GPATCH2: variants seen among roughly 807,000 people sequenced by gnomAD.
The protein encoded by GPATCH2 is G patch domain-containing protein 2.
In GPATCH2, 51 loss-of-function variants were observed where a neutral mutation model predicts 58.0. The observed-to-expected ratio is 0.88, with a 90% CI of 0.70 to 1.11. The LOEUF is 1.11. Among genes scored for constraint, GPATCH2 ranks in the 50% most tolerant of loss-of-function variants. The probability of loss-of-function intolerance (pLI) is 0.00; values close to 1 mark genes in which losing one functional copy is unlikely to be tolerated. For synonymous variants in GPATCH2, 222 were observed against 218.5 expected, an observed-to-expected ratio of 1.02 and a Z score of -0.14; for missense variants, 625 against 652.2, an observed-to-expected ratio of 0.96 and a Z score of 0.45.
At chr1:217,523,741 T>C (rs1663611975) in intron 5 of GPATCH2, among the ~76,000 whole-genome samples, 2 of 144,496 alleles carry the variant, frequency 1.4e-5, no homozygotes, top group African/African-American at 2.6e-5. Flanking sequence ...CACTTCCCAG[T>C]AGGGGCGGCC....
At chr1:217,514,154 T>G (rs559587853) in intron 6 of GPATCH2, among the ~76,000 whole-genome samples, 4 of 147,878 alleles carry the variant, frequency 2.7e-5, no homozygotes, top group Non-Finnish European at 6.0e-5. Flanking sequence ...AAACAGTCTT[T>G]TACTCCTTTT....
At chr1:217,465,007 C>A (rs1268820383) in intron 8 of GPATCH2, among the ~76,000 whole-genome samples, 43 of 151,614 alleles carry the variant, frequency 2.8e-4, no homozygotes, top group Admixed American at 2.8e-3. Context: ...ATGAAAAAGT[C>A]ACAACTAGAG....
At position 217,468,346 on chromosome 1, in the gene GPATCH2, C is replaced by CT. The variant is rs750646498; in HGVS notation, c.1278-19010dup. ...AAAACAAAACACCAAACCTGAATCT[C>CT]TAATCAGTTCTCTAGATGTAAATAC... On this transcript the variant is annotated intron_variant, in intron 8 of 9. Coordinates refer to ENST00000366935, the MANE Select transcript of GPATCH2 (RefSeq NM_018040.5). Among the ~76,000 whole-genome samples the CT allele has an allele frequency of 1.4e-3, 215 of 152,232 alleles. 1 individual carries two copies. Among genetic ancestry groups the CT allele is most frequent in the Non-Finnish European group, 2.7e-3 (184 of 68,002 alleles).
intron 5 of GPATCH2, among the ~76,000 whole-genome samples, chr1:217,571,815 C>T (rs1666567506): frequency 6.6e-6 from 1 of 151,084 alleles, no homozygotes; most frequent in African/African-American, 2.4e-5. Context: ...ATCACTTGAA[C>T]CCAGGAGGTC....
intron 8 of GPATCH2, among the ~76,000 whole-genome samples, chr1:217,466,993 T>C (rs956145990): frequency 1.3e-5 from 2 of 152,092 alleles, no homozygotes; most frequent in African/African-American, 2.4e-5. Flanking sequence ...GCCAACATGG[T>C]GAAATCCCGT....
chr1:217,514,605 T>C (rs1156457504), intron 6 of GPATCH2, among the ~76,000 whole-genome samples: 2 of 152,252 alleles, frequency 1.3e-5, no homozygotes, highest in Non-Finnish European at 2.9e-5. Flanking sequence ...TTTCAAATAC[T>C]ATCACAAATA....
chr1:217,519,718 T>G (rs1207227443), intron 5 of GPATCH2, among the ~76,000 whole-genome samples: 1 of 152,214 alleles, frequency 6.6e-6, no homozygotes, highest in Non-Finnish European at 1.5e-5. Flanking sequence ...AAGCTGATCC[T>G]TACCTACTTG....
rs545031515 is a variant in GPATCH2, at chr1:217,575,517, G to A, written c.1098+34804C>T. Among the ~76,000 whole-genome samples the A allele has an allele frequency of 1.4e-3, 219 of 152,154 alleles. 1 individual carries two copies. The highest frequency in any genetic ancestry group is 4.7e-3 in the African/African-American group (196 of 41,486). ...GGCTCAGATTTAAAATACAACTGAT[G>A]TAAAAAATCAATGCATCATGACATG... On this transcript the variant is annotated intron_variant, in intron 5 of 9. Coordinates refer to ENST00000366935, the MANE Select transcript of GPATCH2 (RefSeq NM_018040.5).
chr1:217,518,232 A>T (rs965671890), intron 5 of GPATCH2, among the ~76,000 whole-genome samples: 1 of 152,152 alleles, frequency 6.6e-6, no homozygotes, highest in Non-Finnish European at 1.5e-5. Flanking sequence ...CTGTTGTTTA[A>T]ATATTATCAG....
At chr1:217,468,615 A>G (rs1036521595) in intron 8 of GPATCH2, among the ~76,000 whole-genome samples, 1 of 152,020 alleles carries the variant, frequency 6.6e-6, no homozygotes, top group Non-Finnish European at 1.5e-5. Flanking sequence ...GGGAATTTAT[A>G]TATCAAAGGG....
chr1:217,546,498 C>T (rs909483529), intron 5 of GPATCH2, among the ~76,000 whole-genome samples: 62 of 152,288 alleles, frequency 4.1e-4, no homozygotes, highest in African/African-American at 1.5e-3. Flanking sequence ...CAGACAGAAA[C>T]AAGCAATGGT....
intron 3 of GPATCH2, among the ~76,000 whole-genome samples, 153 bp from the exon 4 acceptor site, chr1:217,611,224 C>A (rs1668608853): frequency 6.6e-6 from 1 of 151,980 alleles, no homozygotes; most frequent in East Asian, 1.9e-4. Context: ...TATATACTTG[C>A]ACTAAATTTT....
intron 6 of GPATCH2, among the ~76,000 whole-genome samples, chr1:217,506,974 A>G (rs1200400362): frequency 6.6e-6 from 1 of 152,232 alleles, no homozygotes; most frequent in Non-Finnish European, 1.5e-5. Flanking sequence ...TAATGCATTT[A>G]TGTGTCAGCA....
At chr1:217,610,246 G>A in intron 5 of GPATCH2, 75 bp downstream of exon 5, 16 of 1,502,884 alleles carry the variant, frequency 1.1e-5, no homozygotes, top group Non-Finnish European at 1.4e-5. Context: ...AATAAAGGAT[G>A]AGGATGTGGC....
At chr1:217,499,927 A>G (rs1390902829) in intron 6 of GPATCH2, among the ~76,000 whole-genome samples, 1 of 152,150 alleles carries the variant, frequency 6.6e-6, no homozygotes, top group South Asian at 2.1e-4. Context: ...TCTAAAGAAT[A>G]TGGTTATACC....
chr1:217,513,414 T>C (rs1045854243), intron 6 of GPATCH2, among the ~76,000 whole-genome samples: 2 of 152,348 alleles, frequency 1.3e-5, no homozygotes, highest in Non-Finnish European at 2.9e-5. Context: ...CAATAATCTC[T>C]ATTTTATATT....
intron 6 of GPATCH2, among the ~76,000 whole-genome samples, chr1:217,510,797 A>C (rs1340921286): frequency 2.0e-5 from 3 of 152,154 alleles, no homozygotes; most frequent in Non-Finnish European, 4.4e-5. Flanking sequence ...AGTTGCTGAA[A>C]AAAAAGAATT....
At chr1:217,546,730 C>T (rs2990534) in intron 5 of GPATCH2, among the ~76,000 whole-genome samples, 16,348 of 152,152 alleles carry the variant, frequency 0.11, 1,201 homozygotes, top group South Asian at 0.16. Flanking sequence ...CAATGGCAAC[C>T]AAAGAAAAAG....
In GPATCH2 at chr1:217,475,041, C is replaced by G. The variant is rs191078780; in HGVS notation, c.1277+16639G>C. Among the ~76,000 whole-genome samples, 294 of 152,210 alleles carry G rather than the reference C, an allele frequency of 1.9e-3. 2 individuals carry two copies. The highest frequency in any genetic ancestry group is 0.011 in the East Asian group (59 of 5,176). Reference sequence around the variant, plus strand: ...TTCTCTTCTTACACACGTATTTCACCTTTTCAAGTTGCCCTGTGCCTAACA... The same window carrying G: ...TTCTCTTCTTACACACGTATTTCACGTTTTCAAGTTGCCCTGTGCCTAACA... On this transcript the variant is annotated intron_variant, in intron 8 of 9. Coordinates refer to ENST00000366935, the MANE Select transcript of GPATCH2 (RefSeq NM_018040.5).
Sources: gnomAD v4.1 joint callset for allele counts (sites outside exome capture counted in the v4.1 genomes callset) on GRCh38, gnomAD v4.1.1 for gene constraint, MANE v1.5 for transcripts, NCBI Gene and HGNC (gene_info 2026-07-23, HGNC 2026-07-21) for gene names.